The following PLXNA2 variants were observed in gnomAD, a reference collection of about 807,000 sequenced individuals.
The protein encoded by PLXNA2 is plexin A2, also known as plexin-A2.
A neutral mutation model predicts 193.5 loss-of-function variants in PLXNA2; 91 were observed. The ratio of observed to expected loss-of-function variants is 0.47; its 90% CI spans 0.40 to 0.56. The LOEUF is 0.56. Ranked by LOEUF, PLXNA2 falls within the 20% of genes least tolerant of loss-of-function variation. The pLI is 0.00. For synonymous variants in PLXNA2, 997 were observed against 1,027.3 expected (o/e 0.97, Z 0.56); for missense variants, 1,995 against 2,503.2 (o/e 0.80, Z 4.33).
intron 12 of PLXNA2, among the ~76,000 whole-genome samples, chr1:208,063,067 C>G (rs756198037): frequency 6.6e-6 from 1 of 152,192 alleles, no homozygotes; most frequent in Non-Finnish European, 1.5e-5. Context: ...CCTTCCCTAG[C>G]CACCTGGATG....
chr1:208,205,579 GTCC>G (rs544705567), intron 3 of PLXNA2, among the ~76,000 whole-genome samples: 91 of 152,324 alleles, frequency 6.0e-4, no homozygotes, highest in Non-Finnish European at 9.7e-4. Context: ...GCCTCAGCCT[GTCC>G]TCCTTCATCG....
intron 12 of PLXNA2, among the ~76,000 whole-genome samples, chr1:208,073,348 G>A (rs182472696): frequency 6.6e-6 from 1 of 152,286 alleles, no homozygotes; most frequent in East Asian, 1.9e-4. Context: ...GCCTTTTGGA[G>A]GAAGCACAAT....
At chr1:208,196,403 C>T (rs917076839) in intron 3 of PLXNA2, among the ~76,000 whole-genome samples, 5 of 152,186 alleles carry the variant, frequency 3.3e-5, no homozygotes, top group Admixed American at 6.5e-5. Flanking sequence ...TACTTTCTAG[C>T]CACACACTTG....
chr1:208,088,310 T>C (rs1666599948), intron 9 of PLXNA2, among the ~76,000 whole-genome samples: 1 of 152,212 alleles, frequency 6.6e-6, no homozygotes, highest in East Asian at 1.9e-4. Context: ...GCCAGCGTTC[T>C]GTGCTGGGGA....
intron 3 of PLXNA2, 132 bp from the exon 4 acceptor site, chr1:208,142,595 G>A: frequency 1.2e-6 from 1 of 850,108 alleles, no homozygotes; most frequent in Non-Finnish European, 1.7e-6. Flanking sequence ...AGACTGAAGT[G>A]CCACTTCTTT....
chr1:208,044,533 G>A lies in PLXNA2; in HGVS notation c.3849C>T (p.Ser1283=), dbSNP rs748269591. ...RLQMQMDNLE[S]RVALECKEAF... ...CTTCCTTGCACTCCAAGGCCACACG[G>A]GACTCCAGATTGTCCATCTGCATTT... is the stretch of plus-strand genomic sequence containing the variant. Residue 1283 remains serine (S), a synonymous_variant, in exon 20 of 32, where the codon TCC becomes TCT. Transcript: ENST00000367033. The surrounding 1 kb of genome is among the most constrained non-coding windows in gnomAD (Gnocchi z 4.9). 16 of 1,613,980 alleles carry A rather than the reference G, an allele frequency of 9.9e-6. No homozygotes were observed. The highest frequency in any genetic ancestry group is 1.3e-5 in the African/African-American group (1 of 75,026).
rs1664364952 is a variant in PLXNA2 at position 208,027,141 on chromosome 1, C to A, written c.*102G>T. 1 of 1,086,012 alleles carries A rather than the reference C, an allele frequency of 9.2e-7. No homozygotes were observed. The highest frequency in any genetic ancestry group is 1.5e-5 in the African/African-American group (1 of 65,114). 67.3% of individuals were successfully genotyped at this position (1,086,012 alleles called of 1,614,324 possible). ...CCCAGGATGGGGTCTCAGGGGACAG[C>A]AAGCTCTGGGGCCTGATCCCCATCA... On this transcript the variant is annotated 3_prime_UTR_variant, in exon 32 of 32. Coordinates refer to ENST00000367033, the MANE Select transcript of PLXNA2 (RefSeq NM_025179.4).
intron 13 of PLXNA2, 139 bp downstream of exon 13, chr1:208,060,547 G>A: frequency 7.7e-6 from 6 of 779,766 alleles, no homozygotes; most frequent in Non-Finnish European, 1.2e-5. Context: ...GGGCCCTGGG[G>A]AGGCTTCTGG....
intron 5 of PLXNA2, among the ~76,000 whole-genome samples, chr1:208,099,597 G>T (rs531616770): frequency 6.6e-6 from 1 of 152,218 alleles, no homozygotes; most frequent in South Asian, 2.1e-4. Flanking sequence ...TTGAGACAGA[G>T]TCTTGCTCTG....
At chr1:208,049,555 C>A (rs1665187917) in intron 17 of PLXNA2, among the ~76,000 whole-genome samples, 1 of 152,212 alleles carries the variant, frequency 6.6e-6, no homozygotes, top group Non-Finnish European at 1.5e-5. Flanking sequence ...TGCTCCCCAA[C>A]ATCTCCAGCA....
intron 1 of PLXNA2, among the ~76,000 whole-genome samples, chr1:208,221,691 A>C (rs1271046323): frequency 6.6e-6 from 1 of 152,082 alleles, no homozygotes; most frequent in Non-Finnish European, 1.5e-5. Context: ...TTCTATGCCA[A>C]ATTGATGTGA....
intron 4 of PLXNA2, among the ~76,000 whole-genome samples, chr1:208,108,563 G>A (rs561647567): frequency 1.3e-5 from 2 of 152,322 alleles, no homozygotes; most frequent in African/African-American, 2.4e-5. Context: ...ATGGTTCTGA[G>A]CTCTTCTATG....
intron 26 of PLXNA2, among the ~76,000 whole-genome samples, chr1:208,035,179 A>G (rs1664633270): frequency 6.6e-6 from 1 of 152,158 alleles, no homozygotes; most frequent in African/African-American, 2.4e-5. Context: ...TACAGATGAA[A>G]AAAAAAAATG....
At chr1:208,240,481 C>G (rs988782338) in intron 1 of PLXNA2, among the ~76,000 whole-genome samples, 1 of 152,008 alleles carries the variant, frequency 6.6e-6, no homozygotes, top group Non-Finnish European at 1.5e-5. Context: ...ATCTTTGTAA[C>G]GAAGTGAAAA....
intron 13 of PLXNA2, among the ~76,000 whole-genome samples, chr1:208,056,811 G>A (rs568062468): frequency 6.6e-6 from 1 of 152,310 alleles, no homozygotes; most frequent in Admixed American, 6.5e-5. Context: ...GCTGTGGAAT[G>A]AGTGGGCAGA....
chr1:208,046,020 T>G lies in PLXNA2; in HGVS notation c.3353A>C (p.Glu1118Ala). The change falls in exon 18 of 32, where the codon GAG becomes GCG. Residue 1118 changes from glutamate (E) to alanine (A), a missense_variant. Physicochemically the swap from Glu to Ala is moderately radical, Grantham distance 107. Coordinates refer to ENST00000367033, the MANE Select transcript of PLXNA2 (RefSeq NM_025179.4). ...GACATTGTTAAAGACAAATCCAAAC[T>G]CATCTGGGCGTTCCACAGTGTCCAG... ...PGLDTVERPDEFGFVFNNVQS... is the reference protein window; with the variant it reads ...PGLDTVERPDAFGFVFNNVQS... The G allele has an allele frequency of 6.2e-7, 1 of 1,614,246 alleles. No homozygotes were observed.
intron 29 of PLXNA2, chr1:208,029,517 GC>G (rs1405183562): frequency 4.0e-6 from 4 of 997,464 alleles, no homozygotes; most frequent in African/African-American, 1.7e-5. Context: ...TCCCCGCCCA[GC>G]CCGGCTGCCC....
chr1:208,147,786 G>A (rs1024379441), intron 3 of PLXNA2, among the ~76,000 whole-genome samples: 29 of 152,180 alleles, frequency 1.9e-4, no homozygotes, highest in Admixed American at 1.0e-3. Flanking sequence ...TTGCTGCTGA[G>A]CAGAGTAGAT....
At chr1:208,031,192 T>G in intron 29 of PLXNA2, 2 of 1,036,790 alleles carry the variant, frequency 1.9e-6, no homozygotes, top group Middle Eastern at 4.7e-4. Flanking sequence ...ACTGCCCCAC[T>G]CAGAATGCCC....
Sources: allele counts gnomAD v4.1 joint callset (sites outside exome capture counted in the v4.1 genomes callset), GRCh38; gene constraint gnomAD v4.1.1; non-coding constraint Gnocchi (gnomAD v3.1); transcripts MANE v1.5; gene names NCBI Gene and HGNC (gene_info 2026-07-23, HGNC 2026-07-21).